The following SYT11 variants were observed in gnomAD, a reference collection of about 807,000 sequenced individuals.
SYT11 encodes the protein synaptotagmin 11, also known as synaptotagmin-11.
SYT11 carries 12 observed loss-of-function variants against 30.4 expected under a neutral mutation model. The ratio of observed to expected loss-of-function variants is 0.39; its 90% CI spans 0.25 to 0.64. The LOEUF (loss-of-function observed/expected upper bound fraction) is 0.64, where lower values mean the gene tolerates loss of function less well. Among genes scored for constraint, SYT11 ranks in the 30% least tolerant of loss-of-function variants. The pLI is 0.45. For synonymous variants in SYT11, 204 were observed against 216.0 expected (o/e 0.94, Z 0.49); for missense variants, 412 against 552.0 (o/e 0.75, Z 2.54).
intron 2 of SYT11, among the ~76,000 whole-genome samples, chr1:155,876,428 A>G (rs1384719253): frequency 6.7e-6 from 1 of 149,700 alleles, no homozygotes; most frequent in African/African-American, 2.5e-5. Context: ...TTGTATTTTT[A>G]GTAGAGATGG....
intron 1 of SYT11, among the ~76,000 whole-genome samples, chr1:155,862,753 G>A (rs916468942): frequency 1.3e-5 from 2 of 152,186 alleles, no homozygotes; most frequent in African/African-American, 2.4e-5. Flanking sequence ...CAAAAAATAT[G>A]CCTGTCTTGG....
At position 155,860,368 on chromosome 1, in the gene SYT11, G is replaced by T. The variant is rs946189037; in HGVS notation, c.34+573G>T. Among the ~76,000 whole-genome samples, 2 of 152,216 alleles carry T rather than the reference G, an allele frequency of 1.3e-5. No homozygotes were observed. The highest frequency in any genetic ancestry group is 2.9e-5 in the Non-Finnish European group (2 of 68,040). On this transcript the variant is annotated intron_variant, in intron 1 of 3. Transcript: ENST00000368324. This position sits in a 1 kb window ranked among gnomAD's most constrained non-coding sequence, Gnocchi z 4.1. Reference sequence around the variant, plus strand: ...CCTTAAGCCGGTCAGCTGGATGCTGGGGCTAGGAGGAAACGTGAGCCCTGC... The same window carrying T: ...CCTTAAGCCGGTCAGCTGGATGCTGTGGCTAGGAGGAAACGTGAGCCCTGC...
chr1:155,865,136 G>T (rs1672648936), intron 1 of SYT11, among the ~76,000 whole-genome samples: 1 of 152,182 alleles, frequency 6.6e-6, no homozygotes, highest in Admixed American at 6.5e-5. Flanking sequence ...AACAGACAAA[G>T]TTGCTGTTTT....
chr1:155,870,996 T>C (rs1672773989), intron 2 of SYT11, among the ~76,000 whole-genome samples: 1 of 152,208 alleles, frequency 6.6e-6, no homozygotes, highest in Admixed American at 6.5e-5. Flanking sequence ...GAAGGGTTTA[T>C]TGAGGTTATG....
At position 155,883,299 on chromosome 1, in the gene SYT11, C is replaced by G. The variant is rs746843579; in HGVS notation, c.*1791C>G. 1 of 152,220 alleles carries G rather than the reference C, an allele frequency of 6.6e-6. No individual in the cohort carries two copies. Among genetic ancestry groups the G allele is most frequent in the Admixed American group, 6.6e-5 (1 of 15,256 alleles). The allele number at this position is 152,220 out of a possible 1,614,324, so 9.4% of individuals were successfully genotyped here. On this transcript the variant is annotated 3_prime_UTR_variant, in exon 4 of 4. Coordinates refer to ENST00000368324, the MANE Select transcript of SYT11 (RefSeq NM_152280.5). The stretch of plus-strand genomic sequence containing the variant: ...CTGTAATCCCAGTATTTTGGGAGGC[C>G]GAGGTGGAAAGATCGCTTGAGCCCA...
rs1250329562 is a variant in SYT11, at chr1:155,884,866, AG to A, written c.*3362del. The stretch of plus-strand genomic sequence containing the variant: ...AACAGATAGAACTGGTTTGTGGGAC[AG>A]GGGCAGCTTGCTCAGGAGAGGGAAT... On this transcript the variant is annotated 3_prime_UTR_variant, in exon 4 of 4. Coordinates refer to ENST00000368324, the MANE Select transcript of SYT11 (RefSeq NM_152280.5). 1 of 152,754 alleles carries A rather than the reference AG, an allele frequency of 6.5e-6. No homozygotes were observed. The highest frequency in any genetic ancestry group is 1.5e-5 in the Non-Finnish European group (1 of 68,032). The allele number at this position is 152,754 out of a possible 1,614,324, so 9.5% of individuals were successfully genotyped here. A position where few individuals can be genotyped will look rare whatever the true frequency, so the allele number is the denominator to read the frequency against.
At position 155,866,615 on chromosome 1, in the gene SYT11, T is replaced by C. The variant is rs796553184; in HGVS notation, c.35-1350T>C. On this transcript the variant is annotated intron_variant, in intron 1 of 3. Coordinates refer to ENST00000368324, the MANE Select transcript of SYT11 (RefSeq NM_152280.5). ...CATATTTGTGTATGTATTTTATATA[T>C]TTTTTTCTTACATGTGTAGGGGTGT... Among the ~76,000 whole-genome samples the C allele has an allele frequency of 1.1e-4, 16 of 152,228 alleles. 1 individual carries two copies. Among genetic ancestry groups the C allele is most frequent in the African/African-American group, 3.9e-4 (16 of 41,532 alleles).
At chr1:155,871,116 A>G (rs1672775681) in intron 2 of SYT11, among the ~76,000 whole-genome samples, 1 of 152,192 alleles carries the variant, frequency 6.6e-6, no homozygotes, top group Non-Finnish European at 1.5e-5. Flanking sequence ...ACACTGCCAC[A>G]ACATCTTGTG....
intron 2 of SYT11, among the ~76,000 whole-genome samples, chr1:155,876,289 A>G (rs56214668): frequency 0.14 from 16,806 of 121,956 alleles, 1,377 homozygotes; most frequent in Middle Eastern, 0.29. Flanking sequence ...TCCGTCTCCC[A>G]GGCTGGAGTG....
chr1:155,865,815 C>T lies in SYT11; in HGVS notation c.35-2150C>T, dbSNP rs570628135. On this transcript the variant is annotated intron_variant, in intron 1 of 3. Coordinates refer to ENST00000368324, the MANE Select transcript of SYT11 (RefSeq NM_152280.5). ...ACCTTGGCCTCCCAAATAGCTGGGA[C>T]TACAGGCATGTGCCACCATGCCCTG... is the stretch of plus-strand genomic sequence containing the variant. Among the ~76,000 whole-genome samples, 23 of 151,298 alleles carry T rather than the reference C, an allele frequency of 1.5e-4. 1 individual carries two copies. In the South Asian group the frequency reaches 4.4e-3, roughly 29 times the overall value.
At chr1:155,871,718 G>A (rs1672783081) in intron 2 of SYT11, among the ~76,000 whole-genome samples, 1 of 152,172 alleles carries the variant, frequency 6.6e-6, no homozygotes, top group African/African-American at 2.4e-5. Flanking sequence ...GAGAAGGCCC[G>A]AGATAGGTTA....
rs1442913574 is a variant in SYT11, at chr1:155,881,587, A to G, written c.*79A>G. On this transcript the variant is annotated 3_prime_UTR_variant, in exon 4 of 4. Transcript: ENST00000368324. ...GGGGAAAAAGATGACAGAGAAGTGG[A>G]CTCCAAACCTCATTTTAGTTGTAGA... The G allele has an allele frequency of 7.4e-7, 1 of 1,356,222 alleles. No individual in the cohort carries two copies. Among genetic ancestry groups the G allele is most frequent in the African/African-American group, 1.5e-5 (1 of 68,180 alleles). The allele number at this position is 1,356,222 out of a possible 1,614,324, so 84.0% of individuals were successfully genotyped here.
chr1:155,876,988 A>G (rs763979962), intron 2 of SYT11, among the ~76,000 whole-genome samples: 6 of 130,746 alleles, frequency 4.6e-5, no homozygotes, highest in African/African-American at 1.5e-4. Context: ...TTTTCCTGAG[A>G]CGGAGTCTTG....
chr1:155,867,264 G>C (rs1231925319), intron 1 of SYT11, among the ~76,000 whole-genome samples: 2 of 151,942 alleles, frequency 1.3e-5, no homozygotes, highest in East Asian at 3.9e-4. Flanking sequence ...TCACCATGTT[G>C]GTCAGTCTGG....
At chr1:155,861,957 T>C (rs184533461) in intron 1 of SYT11, among the ~76,000 whole-genome samples, 1 of 152,310 alleles carries the variant, frequency 6.6e-6, no homozygotes, top group Non-Finnish European at 1.5e-5. Context: ...GAAGCCAAAA[T>C]TTATTCTCAT....
At chr1:155,879,393 G>A (rs545446650) in intron 2 of SYT11, among the ~76,000 whole-genome samples, 15 of 152,290 alleles carry the variant, frequency 9.8e-5, no homozygotes, top group African/African-American at 3.4e-4. Flanking sequence ...CTCCAGCCTG[G>A]GCGACAAGAG....
At chr1:155,867,001 T>TAC (rs1672691217) in intron 1 of SYT11, among the ~76,000 whole-genome samples, 1 of 150,614 alleles carries the variant, frequency 6.6e-6, no homozygotes, top group African/African-American at 2.4e-5. Flanking sequence ...CATATATATA[T>TAC]ATACATACAT....
Position 155,880,540 on chromosome 1 carries a change from A to G in SYT11, c.902A>G (p.Tyr301Cys). Reference protein sequence around the residue: ...SRGELQVSLSYQPVAQRMTVV... With the variant: ...SRGELQVSLSCQPVAQRMTVV... ...GGGGAGCTCCAGGTGTCTCTGTCAT[A>G]TCAGCCTGTGGCACAGAGAATGACA... Residue 301 changes from tyrosine (Y) to cysteine (C), a missense_variant, in exon 3 of 4, where the codon TAT becomes TGT. Coordinates refer to ENST00000368324, the MANE Select transcript of SYT11 (RefSeq NM_152280.5). 6.2e-7 allele frequency: 1 copy of G among 1,614,082 alleles called. No individual in the cohort carries two copies. The highest frequency in any genetic ancestry group is 8.5e-7 in the Non-Finnish European group (1 of 1,179,940).
intron 2 of SYT11, among the ~76,000 whole-genome samples, chr1:155,870,387 A>G (rs1672762797): frequency 6.6e-6 from 1 of 152,214 alleles, no homozygotes; most frequent in Admixed American, 6.5e-5. Context: ...TATTATTGTT[A>G]TTCCTATTAT....
Sources: gnomAD v4.1 joint callset for allele counts (sites outside exome capture counted in the v4.1 genomes callset) on GRCh38, gnomAD v4.1.1 for gene constraint, Gnocchi (gnomAD v3.1) non-coding constraint, MANE v1.5 for transcripts, NCBI Gene and HGNC (gene_info 2026-07-23, HGNC 2026-07-21) for gene names.